MAN1A2: variants seen among roughly 807,000 people sequenced by gnomAD.
MAN1A2 encodes mannosidase alpha class 1A member 2.
A neutral mutation model predicts 75.7 loss-of-function variants in MAN1A2; 26 were observed. The observed-to-expected ratio is 0.34, with a 90% CI of 0.25 to 0.48. MAN1A2 has a LOEUF of 0.48. MAN1A2 is among the 20% of genes least tolerant of loss of function. The probability of loss-of-function intolerance (pLI) is 0.99; values close to 1 mark genes in which losing one functional copy is unlikely to be tolerated. For missense variants in MAN1A2, 562 were observed against 775.5 expected, an observed-to-expected ratio of 0.72 and a Z score of 3.27; for synonymous variants, 247 against 264.6, an observed-to-expected ratio of 0.93 and a Z score of 0.65.
intron 5 of MAN1A2, among the ~76,000 whole-genome samples, chr1:117,438,051 A>G (rs1201918128): frequency 6.6e-6 from 1 of 152,242 alleles, no homozygotes; most frequent in Non-Finnish European, 1.5e-5. Flanking sequence ...TAAATAAGAT[A>G]GATATGTGAG....
chr1:117,428,126 TG>T (rs1166844163), intron 5 of MAN1A2, among the ~76,000 whole-genome samples: 1 of 149,798 alleles, frequency 6.7e-6, no homozygotes, highest in African/African-American at 2.5e-5. Flanking sequence ...TTTTTTTTTT[TG>T]GGGGGGGACC....
At chr1:117,502,024 TC>T (rs1651216368) in intron 11 of MAN1A2, among the ~76,000 whole-genome samples, 1 of 151,750 alleles carries the variant, frequency 6.6e-6, no homozygotes, top group Non-Finnish European at 1.5e-5. Flanking sequence ...GTGAATAGAT[TC>T]CATTTGATTC....
chr1:117,441,524 C>T (rs941271383), intron 5 of MAN1A2, among the ~76,000 whole-genome samples: 5 of 152,084 alleles, frequency 3.3e-5, no homozygotes, highest in Non-Finnish European at 7.4e-5. Flanking sequence ...AGTCAGTGGT[C>T]TCTAAAGTTA....
At chr1:117,443,715 A>G (rs1649118298) in intron 6 of MAN1A2, among the ~76,000 whole-genome samples, 1 of 152,162 alleles carries the variant, frequency 6.6e-6, no homozygotes, top group Non-Finnish European at 1.5e-5. Flanking sequence ...ATGTAAACAA[A>G]TACATAATTT....
At chr1:117,500,137 C>T (rs1570795164) in intron 11 of MAN1A2, among the ~76,000 whole-genome samples, 2 of 151,736 alleles carry the variant, frequency 1.3e-5, no homozygotes, top group Admixed American at 6.6e-5. Context: ...TTATGTAAAG[C>T]GAACGTTTCA....
chr1:117,476,419 T>C (rs1202495992), intron 8 of MAN1A2, among the ~76,000 whole-genome samples: 1 of 152,142 alleles, frequency 6.6e-6, no homozygotes, highest in African/African-American at 2.4e-5. Flanking sequence ...GTTTTAGTCA[T>C]GAAGTCTTTG....
At chr1:117,464,068 CAAG>C (rs1048664034) in intron 7 of MAN1A2, among the ~76,000 whole-genome samples, 20 of 151,988 alleles carry the variant, frequency 1.3e-4, no homozygotes, top group African/African-American at 4.8e-4. Flanking sequence ...CTAAAAGCTG[CAAG>C]AAGAAGAAAC....
chr1:117,454,845 A>G (rs1313156795), intron 6 of MAN1A2, among the ~76,000 whole-genome samples: 2 of 152,152 alleles, frequency 1.3e-5, no homozygotes, highest in Non-Finnish European at 2.9e-5. Flanking sequence ...CCCTTACATT[A>G]TATGTGAAGT....
At chr1:117,516,971 A>T (rs1269770148) in intron 12 of MAN1A2, among the ~76,000 whole-genome samples, 1 of 152,138 alleles carries the variant, frequency 6.6e-6, no homozygotes. Flanking sequence ...TAAAGGCAGC[A>T]GTTTCTGGCA....
intron 8 of MAN1A2, among the ~76,000 whole-genome samples, chr1:117,492,630 C>G (rs888456954): frequency 6.6e-6 from 1 of 151,956 alleles, no homozygotes; most frequent in African/African-American, 2.4e-5. Flanking sequence ...TTATGTTATA[C>G]AAGGTGATAT....
rs573766117 is a variant in MAN1A2 at position 117,492,155 on chromosome 1, A to G, written c.1169-992A>G. Among the ~76,000 whole-genome samples the G allele has an allele frequency of 4.6e-5, 7 of 152,240 alleles. No homozygotes were observed. The South Asian group carries it at 1.0e-3, about 23-fold the overall frequency. ...GAATTTTTACTGTGGACAAAATGCT[A>G]TCAAACAGCACCACAAGCTACAGAG... On this transcript the variant is annotated intron_variant, in intron 8 of 12. Transcript: ENST00000356554.
At chr1:117,397,656 T>C (rs2101747840) in intron 1 of MAN1A2, among the ~76,000 whole-genome samples, 1 of 147,998 alleles carries the variant, frequency 6.8e-6, no homozygotes, top group South Asian at 2.2e-4. Flanking sequence ...TTTTTTTTTT[T>C]TTTTTTTTTT....
At chr1:117,467,018 A>C (rs574116084) in intron 8 of MAN1A2, among the ~76,000 whole-genome samples, 1 of 152,262 alleles carries the variant, frequency 6.6e-6, no homozygotes, top group South Asian at 2.1e-4. Context: ...CTGTGGTAAA[A>C]ATGATTCCCT....
intron 5 of MAN1A2, among the ~76,000 whole-genome samples, chr1:117,437,846 A>AG (rs1648893602): frequency 6.6e-6 from 1 of 152,180 alleles, no homozygotes; most frequent in Admixed American, 6.6e-5. Context: ...ATCACATATT[A>AG]GGGGGCTAGA....
intron 1 of MAN1A2, among the ~76,000 whole-genome samples, chr1:117,396,568 A>T (rs1231015448): frequency 6.6e-6 from 1 of 152,196 alleles, no homozygotes; most frequent in Non-Finnish European, 1.5e-5. Context: ...GCCAAAGCAA[A>T]ATTTGAGGAA....
At chr1:117,420,348 GT>G in intron 4 of MAN1A2, among the ~76,000 whole-genome samples, 1 of 152,122 alleles carries the variant, frequency 6.6e-6, no homozygotes, top group South Asian at 2.1e-4. Context: ...AAAATGGCTT[GT>G]TGGTTTCAGG....
intron 8 of MAN1A2, among the ~76,000 whole-genome samples, chr1:117,476,691 G>A (rs753752844): frequency 4.0e-5 from 6 of 151,866 alleles, no homozygotes; most frequent in Admixed American, 2.6e-4. Flanking sequence ...TATTTCTGAG[G>A]CCTCTGTTGT....
At chr1:117,440,884 TA>T (rs1264829845) in intron 5 of MAN1A2, among the ~76,000 whole-genome samples, 1 of 150,064 alleles carries the variant, frequency 6.7e-6, no homozygotes, top group Non-Finnish European at 1.5e-5. Context: ...GTTTGCTCTA[TA>T]AGGTAACTTG....
intron 12 of MAN1A2, among the ~76,000 whole-genome samples, chr1:117,516,853 C>T (rs1651728676): frequency 6.6e-6 from 1 of 151,990 alleles, no homozygotes. Context: ...AAGAGAGCTG[C>T]AGAGAGAAAT....
Sources: allele counts gnomAD v4.1 joint callset (sites outside exome capture counted in the v4.1 genomes callset), GRCh38; gene constraint gnomAD v4.1.1; transcripts MANE v1.5; gene names NCBI Gene and HGNC (gene_info 2026-07-23, HGNC 2026-07-21).